The following PKP4 variants were observed in gnomAD, a reference collection of about 807,000 sequenced individuals.
The protein encoded by PKP4 is plakophilin-4.
PKP4 carries 90 observed loss-of-function variants against 145.1 expected under a neutral mutation model. The ratio of observed to expected loss-of-function variants is 0.62; its 90% CI spans 0.52 to 0.74. PKP4 has a LOEUF of 0.74. Among genes scored for constraint, PKP4 ranks in the 30% least tolerant of loss-of-function variants. The pLI is 0.00. For synonymous variants in PKP4, 563 were observed against 577.2 expected (o/e 0.98, Z 0.35); for missense variants, 1,340 against 1,482.7 (o/e 0.90, Z 1.58).
intron 1 of PKP4, among the ~76,000 whole-genome samples, chr2:158,527,198 A>G (rs901235410): frequency 8.9e-5 from 11 of 123,094 alleles, no homozygotes; most frequent in Admixed American, 1.8e-4. Context: ...AGCCAAAAGG[A>G]CAAAGCTGGA....
chr2:158,678,679 A>T, intron 21 of PKP4, 25 bp downstream of exon 21: 3 of 1,413,114 alleles, frequency 2.1e-6, no homozygotes. Context: ...TCATTTTTAC[A>T]GAAGGCTGAT....
chr2:158,498,153 G>C (rs1383417109), intron 1 of PKP4, among the ~76,000 whole-genome samples: 1 of 152,014 alleles, frequency 6.6e-6, no homozygotes, highest in Non-Finnish European at 1.5e-5. Context: ...TTTATTTTTT[G>C]TTATTTTTAT....
chr2:158,465,965 G>T (rs561272679), intron 1 of PKP4, among the ~76,000 whole-genome samples: 1 of 152,160 alleles, frequency 6.6e-6, no homozygotes. Flanking sequence ...ATAGTATATC[G>T]GCAAGTGTCA....
intron 2 of PKP4, among the ~76,000 whole-genome samples, chr2:158,535,537 G>A (rs559397280): frequency 2.6e-5 from 4 of 152,050 alleles, no homozygotes; most frequent in Non-Finnish European, 5.9e-5. Flanking sequence ...AGCCTCCCTA[G>A]TAGCTAGGAC....
Position 158,640,725 on chromosome 2 carries a change from AC to A in PKP4, c.1663del (p.Leu555CysfsTer8). The A allele has an allele frequency of 6.2e-7, 1 of 1,614,154 alleles. No homozygotes were observed. Reference sequence around the variant, plus strand: ...GCAAATGCAGCGGCCTACCTGCAGCACCTGTGCTTTGGTGACAACAAAGTGA... The same window carrying A: ...GCAAATGCAGCGGCCTACCTGCAGCACTGTGCTTTGGTGACAACAAAGTGA... ...VQANAAAYLQ[H>X]LCFGDNKVKM... is the part of the protein sequence containing the mutation. On this transcript the variant is annotated frameshift_variant, in exon 10 of 22. Coordinates refer to ENST00000389759, the MANE Select transcript of PKP4 (RefSeq NM_003628.6). LOFTEE classifies it high-confidence loss of function.
At chr2:158,606,342 A>T (rs1261485198) in intron 4 of PKP4, among the ~76,000 whole-genome samples, 1 of 152,068 alleles carries the variant, frequency 6.6e-6, no homozygotes, top group Non-Finnish European at 1.5e-5. Flanking sequence ...CCTTCTCAAA[A>T]AAAAAAATAA....
At chr2:158,489,396 A>G (rs1694624985) in intron 1 of PKP4, among the ~76,000 whole-genome samples, 1 of 152,222 alleles carries the variant, frequency 6.6e-6, no homozygotes, top group Non-Finnish European at 1.5e-5. Context: ...GCTAAAACCT[A>G]TCAATAACCC....
At chr2:158,651,026 A>C (rs964748555) in intron 11 of PKP4, among the ~76,000 whole-genome samples, 4 of 152,188 alleles carry the variant, frequency 2.6e-5, no homozygotes, top group African/African-American at 9.7e-5. Flanking sequence ...GGGAATGGCT[A>C]TATACCACCA....
chr2:158,516,879 T>G (rs1291479496), intron 1 of PKP4, among the ~76,000 whole-genome samples: 1 of 152,106 alleles, frequency 6.6e-6, no homozygotes, highest in Non-Finnish European at 1.5e-5. Flanking sequence ...GCCAGGCTGG[T>G]CTCGAACTTC....
intron 3 of PKP4, among the ~76,000 whole-genome samples, chr2:158,592,304 G>A (rs1301219290): frequency 6.6e-6 from 1 of 151,988 alleles, no homozygotes; most frequent in Non-Finnish European, 1.5e-5. Flanking sequence ...GGATCCAGAT[G>A]TCTTACTACA....
At chr2:158,670,343 C>T (rs1287979825) in intron 17 of PKP4, among the ~76,000 whole-genome samples, 1 of 152,136 alleles carries the variant, frequency 6.6e-6, no homozygotes, top group Non-Finnish European at 1.5e-5. Context: ...TGTCCTTGCA[C>T]GGTAGAAGGA....
Position 158,564,394 on chromosome 2 carries a change from T to A in PKP4, c.133-12877T>A, listed in dbSNP as rs375381886. On this transcript the variant is annotated intron_variant, in intron 2 of 21. Transcript: ENST00000389759. ...GATATAGTATGCTGTAGAATGGAGA[T>A]GCCATCGTTTGTTACAATATTACTA... Among the ~76,000 whole-genome samples the A allele has an allele frequency of 9.2e-5, 14 of 152,324 alleles. No homozygotes were observed. The East Asian group carries it at 1.9e-3, about 21-fold the overall frequency.
chr2:158,512,437 T>C (rs1038020042), intron 1 of PKP4, among the ~76,000 whole-genome samples: 1 of 152,044 alleles, frequency 6.6e-6, no homozygotes, highest in African/African-American at 2.4e-5. Context: ...TGGTAGAGAG[T>C]TGTGGAACGG....
chr2:158,643,082 G>A (rs1272848602), intron 11 of PKP4, among the ~76,000 whole-genome samples: 1 of 152,108 alleles, frequency 6.6e-6, no homozygotes, highest in East Asian at 1.9e-4. Flanking sequence ...AGCTCAGCTG[G>A]TGTCTGAGTG....
chr2:158,578,913 A>T (rs2048093026), intron 3 of PKP4, among the ~76,000 whole-genome samples: 1 of 151,560 alleles, frequency 6.6e-6, no homozygotes, highest in African/African-American at 2.4e-5. Context: ...CCTCTGTAGG[A>T]GATGTGAGAA....
chr2:158,580,016 G>A (rs1412462433), intron 3 of PKP4, among the ~76,000 whole-genome samples: 4 of 152,068 alleles, frequency 2.6e-5, no homozygotes, highest in African/African-American at 4.8e-5. Flanking sequence ...AAAGGAGGAC[G>A]ATACTAGGAA....
At chr2:158,521,939 T>A (rs1336826934) in intron 1 of PKP4, among the ~76,000 whole-genome samples, 9 of 152,202 alleles carry the variant, frequency 5.9e-5, no homozygotes, top group Non-Finnish European at 1.3e-4. Flanking sequence ...CAAATTTAAA[T>A]ATTCACGCTT....
intron 2 of PKP4, among the ~76,000 whole-genome samples, chr2:158,570,263 T>G (rs1461860052): frequency 4.6e-5 from 7 of 152,338 alleles, no homozygotes; most frequent in African/African-American, 7.2e-5. Context: ...AGGATGTTTT[T>G]GGGGGATTTC....
At chr2:158,633,916 T>C (rs2053603082) in intron 8 of PKP4, among the ~76,000 whole-genome samples, 154 bp from the exon 9 acceptor site, 1 of 152,354 alleles carries the variant, frequency 6.6e-6, no homozygotes, top group South Asian at 2.1e-4. Flanking sequence ...GTACCCTTTT[T>C]AGCACTAATA....
Sources: allele counts gnomAD v4.1 joint callset (sites outside exome capture counted in the v4.1 genomes callset), GRCh38; gene constraint gnomAD v4.1.1; transcripts MANE v1.5; gene names NCBI Gene and HGNC (gene_info 2026-07-23, HGNC 2026-07-21).